The following IQGAP2 variants were observed in gnomAD, a reference collection of about 807,000 sequenced individuals.
IQGAP2 encodes the protein IQ motif containing GTPase activating protein 2, also known as ras GTPase-activating-like protein IQGAP2.
Under a neutral mutation model 201.3 loss-of-function variants are expected in IQGAP2, and 173 were observed. The observed-to-expected ratio is 0.86, with a 90% CI of 0.76 to 0.98. The LOEUF is 0.98. Ranked by LOEUF, IQGAP2 falls within the 50% of genes least tolerant of loss-of-function variation. The probability of loss-of-function intolerance (pLI) is 0.00; values close to 1 mark genes in which losing one functional copy is unlikely to be tolerated. For missense variants in IQGAP2, 1,687 were observed against 1,864.8 expected (o/e 0.90, Z 1.76); for synonymous variants, 675 against 673.9 (o/e 1.00, Z -0.03).
intron 2 of IQGAP2, 54 bp downstream of exon 2, chr5:76,461,723 G>A: frequency 7.6e-7 from 1 of 1,314,856 alleles, no homozygotes; most frequent in Non-Finnish European, 1.1e-6. Flanking sequence ...TAAGCTTTGT[G>A]ATAAGGGCGT....
chr5:76,525,818 C>T (rs1391211925), intron 2 of IQGAP2, among the ~76,000 whole-genome samples: 1 of 152,154 alleles, frequency 6.6e-6, no homozygotes, highest in African/African-American at 2.4e-5. Context: ...GTTGTGGGAC[C>T]TAATGACTTC....
chr5:76,548,789 A>G (rs972564225), intron 2 of IQGAP2, among the ~76,000 whole-genome samples: 1 of 152,222 alleles, frequency 6.6e-6, no homozygotes, highest in Non-Finnish European at 1.5e-5. Flanking sequence ...TGGCATTATC[A>G]GTAGAGTGGG....
intron 2 of IQGAP2, among the ~76,000 whole-genome samples, chr5:76,549,320 A>AGTGTGTGTGTGTGT (rs35060845): frequency 6.8e-6 from 1 of 147,730 alleles, no homozygotes; most frequent in African/African-American, 2.5e-5. Flanking sequence ...CGAGCTCTGG[A>AGTGTGTGTGTGTGT]GTGTGTGTGT....
At chr5:76,496,609 C>A (rs1418911428) in intron 2 of IQGAP2, among the ~76,000 whole-genome samples, 1 of 152,088 alleles carries the variant, frequency 6.6e-6, no homozygotes, top group East Asian at 1.9e-4. Flanking sequence ...GGGGATCATG[C>A]GGAGGGAGTC....
chr5:76,433,157 GTTAT>G (rs973789569), intron 1 of IQGAP2, among the ~76,000 whole-genome samples: 2 of 152,124 alleles, frequency 1.3e-5, no homozygotes, highest in African/African-American at 2.4e-5. Flanking sequence ...TACTCTGATG[GTTAT>G]TTCTTTTGCT....
intron 5 of IQGAP2, among the ~76,000 whole-genome samples, chr5:76,576,400 T>C (rs553302421): frequency 6.6e-6 from 1 of 152,354 alleles, no homozygotes; most frequent in African/African-American, 2.4e-5. Flanking sequence ...TTTATCTTAT[T>C]GGCCTGGAAG....
chr5:76,647,591 A>AG (rs1554080255), intron 17 of IQGAP2, among the ~76,000 whole-genome samples: 1 of 152,070 alleles, frequency 6.6e-6, no homozygotes, highest in Non-Finnish European at 1.5e-5. Context: ...CCGTGTAAGA[A>AG]GTGCCTTTTG....
rs780436007 is a variant in IQGAP2 at position 76,637,224 on chromosome 5, T to G, written c.1923+48T>G. ...ATAACTCTACTGTATAAAGTTAAAT[T>G]TGACTGGTTTTCTATTTCTGAATCA... On this transcript the variant is annotated intron_variant, in intron 16 of 35. Transcript: ENST00000274364. 2.1e-6 allele frequency: 3 copies of G among 1,426,718 alleles called. No individual in the cohort carries two copies. The East Asian group carries it at 7.1e-5, about 34-fold the overall frequency. 88.4% of individuals were successfully genotyped at this position (1,426,718 alleles called of 1,614,324 possible).
intron 2 of IQGAP2, among the ~76,000 whole-genome samples, chr5:76,535,072 G>A (rs1003481436): frequency 1.3e-5 from 2 of 152,164 alleles, no homozygotes; most frequent in Non-Finnish European, 2.9e-5. Context: ...GTAGAGTGAG[G>A]CCAAGCCCCA....
At chr5:76,704,176 C>A (rs534281827) in intron 35 of IQGAP2, among the ~76,000 whole-genome samples, 1 of 152,278 alleles carries the variant, frequency 6.6e-6, no homozygotes, top group African/African-American at 2.4e-5. Context: ...TAATTAGGGT[C>A]TTCAGTTATT....
chr5:76,554,065 A>G (rs1334054952), intron 2 of IQGAP2, among the ~76,000 whole-genome samples: 1 of 152,222 alleles, frequency 6.6e-6, no homozygotes, highest in Admixed American at 6.5e-5. Context: ...TCACTTGTAC[A>G]GTCAGTTAAT....
In IQGAP2 at chr5:76,671,757, A is replaced by C. The variant is rs1744345495; in HGVS notation, c.2844-2A>C. 1 of 1,600,112 alleles carries C rather than the reference A, an allele frequency of 6.2e-7. No homozygotes were observed. The highest frequency in any genetic ancestry group is 1.7e-5 in the Admixed American group (1 of 59,074). On this transcript the variant is annotated splice_acceptor_variant, in intron 23 of 35. Coordinates refer to ENST00000274364, the MANE Select transcript of IQGAP2 (RefSeq NM_006633.5). LOFTEE classifies it high-confidence loss of function. ...ATTTTGTTTTGTCTTGGGCTTTTTT[A>C]GATCAAAAGTGGACCAGGTACAGGA...
intron 17 of IQGAP2, 45 bp downstream of exon 17, chr5:76,641,148 C>A: frequency 2.1e-6 from 3 of 1,403,974 alleles, no homozygotes; most frequent in Non-Finnish European, 1.9e-6. Context: ...TGTCATATCA[C>A]CTGAAAATGT....
intron 23 of IQGAP2, among the ~76,000 whole-genome samples, chr5:76,671,423 A>G (rs898179113): frequency 7.3e-5 from 11 of 151,486 alleles, no homozygotes; most frequent in Admixed American, 3.3e-4. Context: ...ATGGCTCAGG[A>G]CTGTATTTCC....
chr5:76,543,601 A>G (rs1010840605), intron 2 of IQGAP2, among the ~76,000 whole-genome samples: 2 of 152,166 alleles, frequency 1.3e-5, no homozygotes, highest in African/African-American at 4.8e-5. Context: ...CCTGTGGTGC[A>G]TGTGTTTGTC....
In IQGAP2 at chr5:76,461,598, AGAG is replaced by A; in HGVS notation, c.79_81del (p.Glu27del). On this transcript the variant is annotated inframe_deletion, in exon 2 of 36. Transcript: ENST00000274364. ...TTGTGGACGATGAAAGGCTCTCTGC[AGAG>A]GAGATGGATGAGAGGAGGCGGCAGA... 6.2e-7 allele frequency: 1 copy of A among 1,613,872 alleles called. No homozygotes were observed. The highest frequency in any genetic ancestry group is 1.1e-5 in the South Asian group (1 of 91,062).
intron 1 of IQGAP2, among the ~76,000 whole-genome samples, chr5:76,456,138 C>T (rs1383132767): frequency 6.6e-6 from 1 of 152,142 alleles, no homozygotes; most frequent in Non-Finnish European, 1.5e-5. Context: ...TTACTAAGCA[C>T]CTATTATTTC....
chr5:76,419,016 C>A (rs1015926128), intron 1 of IQGAP2, among the ~76,000 whole-genome samples: 4 of 152,196 alleles, frequency 2.6e-5, no homozygotes, highest in African/African-American at 9.7e-5. Context: ...AGTTGTCAAC[C>A]TGGCTACCCA....
At chr5:76,523,572 T>A (rs1437450198) in intron 2 of IQGAP2, among the ~76,000 whole-genome samples, 1 of 152,188 alleles carries the variant, frequency 6.6e-6, no homozygotes, top group Non-Finnish European at 1.5e-5. Context: ...AAATGTAGCT[T>A]GTTACAAGTA....
Sources: gnomAD v4.1 joint callset for allele counts (sites outside exome capture counted in the v4.1 genomes callset) on GRCh38, gnomAD v4.1.1 for gene constraint, MANE v1.5 for transcripts, NCBI Gene and HGNC (gene_info 2026-07-23, HGNC 2026-07-21) for gene names.